Variants in POLM observed in about 807,000 individuals in gnomAD.
POLM encodes the protein DNA-directed DNA/RNA polymerase mu.
In POLM, 52 loss-of-function variants were observed where a neutral mutation model predicts 56.7. That is an observed-to-expected ratio of 0.92 (90% CI 0.73 to 1.15). The LOEUF (loss-of-function observed/expected upper bound fraction) is 1.15. POLM is among the 50% of genes most tolerant of loss of function. The pLI is 0.00. For missense variants in POLM, 660 were observed against 663.6 expected (o/e 0.99, Z 0.06); for synonymous variants, 273 against 274.3 (o/e 1.00, Z 0.05).
At chr7:44,075,477 G>C (rs1215182130) in intron 6 of POLM, among the ~76,000 whole-genome samples, 2 of 151,024 alleles carry the variant, frequency 1.3e-5, no homozygotes, top group Non-Finnish European at 3.0e-5. Context: ...AGCTCTGCGG[G>C]TCTCACCTCC....
Position 44,072,834 on chromosome 7 carries a change from G to A in POLM, c.*457C>T. The A allele has an allele frequency of 2.6e-6, 1 of 385,014 alleles. No individual in the cohort carries two copies. The highest frequency in any genetic ancestry group is 2.0e-5 in the African/African-American group (1 of 49,010). 23.8% of individuals were successfully genotyped at this position (385,014 alleles called of 1,614,324 possible). On this transcript the variant is annotated 3_prime_UTR_variant, in exon 11 of 11. Coordinates refer to ENST00000242248, the MANE Select transcript of POLM (RefSeq NM_013284.4). ...GCACGAACCACAGCCTCCAGCTCAT[G>A]GCTCTCAAATGCAGTGCAGGTATGC...
chr7:44,079,868 C>T lies in POLM; in HGVS notation c.464G>A (p.Gly155Asp), dbSNP rs1336426861. The T allele has an allele frequency of 7.4e-6, 12 of 1,613,942 alleles. No homozygotes were observed. Among genetic ancestry groups the T allele is most frequent in the Admixed American group, 6.7e-5 (4 of 60,010 alleles). The part of the protein sequence containing the change: ...RPTPLTHHNT[G>D]LSEALEILAE... ...CTCATAGAAGCGGCTTACGGAGAGG[C>T]CAGTGTTGTGGTGTGTGAGGGGCGT... is the stretch of plus-strand genomic sequence containing the variant. The change falls in exon 3 of 11, where the codon GGC becomes GAC. Residue 155 changes from glycine to aspartate, a missense_variant. Physicochemically the swap from Gly to Asp is moderately conservative, Grantham distance 94. Coordinates refer to ENST00000242248, the MANE Select transcript of POLM (RefSeq NM_013284.4).
chr7:44,073,426 C>G, intron 10 of POLM, 49 bp from the exon 11 acceptor site: 1 of 1,599,456 alleles, frequency 6.3e-7, no homozygotes, highest in African/African-American at 1.3e-5. Flanking sequence ...GCCACTGCTG[C>G]TTCCCTGCAG....
chr7:44,079,222 C>A (rs1246299592), intron 4 of POLM, among the ~76,000 whole-genome samples: 1 of 152,202 alleles, frequency 6.6e-6, no homozygotes, highest in Admixed American at 6.5e-5. Context: ...CACTAAAGGA[C>A]AACTAAACAC....
At chr7:44,076,394 AGCT>A (rs1440086906) in intron 6 of POLM, 112 bp downstream of exon 6, 1 of 1,368,918 alleles carries the variant, frequency 7.3e-7, no homozygotes, top group Admixed American at 2.1e-5. Flanking sequence ...CACCACACAA[AGCT>A]GCCACCAAAC....
At chr7:44,079,539 C>A in intron 4 of POLM, 32 bp downstream of exon 4, 3 of 1,492,912 alleles carry the variant, frequency 2.0e-6, no homozygotes, top group Non-Finnish European at 2.8e-6. Context: ...CCCCACCCAC[C>A]CACTCACCCT....
Position 44,072,990 on chromosome 7 carries a change from G to A in POLM, c.*301C>T, listed in dbSNP as rs911959552. ...ACTGCAGGCCCCACCACAGCTCCAC[G>A]ATGTGGGCCCCACTCACATCCCATC... On this transcript the variant is annotated 3_prime_UTR_variant, in exon 11 of 11. Transcript: ENST00000242248. 7 of 916,990 alleles carry A rather than the reference G, an allele frequency of 7.6e-6. No individual in the cohort carries two copies. Among genetic ancestry groups the A allele is most frequent in the Non-Finnish European group, 9.4e-6 (6 of 638,394 alleles). The allele number at this position is 916,990 out of a possible 1,614,324, so 56.8% of individuals were successfully genotyped here. A position where few individuals can be genotyped will look rare whatever the true frequency, so the allele number is the denominator to read the frequency against.
At position 44,073,322 on chromosome 7, in the gene POLM, T is replaced by G. The variant is rs778171649; in HGVS notation, c.1454A>C (p.Glu485Ala). Residue 485 changes from glutamate (E) to alanine (A), a missense_variant, in exon 11 of 11, where the codon GAG becomes GCG. Glu to Ala is a moderately radical substitution (Grantham distance 107). Transcript: ENST00000242248. ...GTTTCTCTGCTCTGGAGGAAGGTAC[T>G]CAAGGCCCAGGTGTCTGAAGATGTC... ...EEDIFRHLGLEYLPPEQRNA is the reference protein window; with the variant it reads ...EEDIFRHLGLAYLPPEQRNA 6.2e-7 allele frequency: 1 copy of G among 1,614,198 alleles called. No homozygotes were observed. The highest frequency in any genetic ancestry group is 1.1e-5 in the South Asian group (1 of 91,086).
At position 44,073,948 on chromosome 7, in the gene POLM, G is replaced by C. The variant is rs750162242; in HGVS notation, c.1149C>G (p.Asp383Glu). The change falls in exon 9 of 11, where the codon GAC becomes GAG. Residue 383 changes from aspartate (D) to glutamate (E), a missense_variant. Transcript: ENST00000242248. ...PTRLAQQSHMDAFERSFCIFR... is the reference protein window; with the variant it reads ...PTRLAQQSHMEAFERSFCIFR... ...AAATGCAGAAACTTCTCTCAAAAGC[G>C]TCCATGTGGCTCTGTTGGGCCAGGC... 1 of 1,614,232 alleles carries C rather than the reference G, an allele frequency of 6.2e-7. No individual in the cohort carries two copies. Among genetic ancestry groups the C allele is most frequent in the East Asian group, 2.2e-5 (1 of 44,886 alleles).
rs1286206295 is a variant in POLM at position 44,072,290 on chromosome 7, C to G, written c.*1001G>C. On this transcript the variant is annotated 3_prime_UTR_variant, in exon 11 of 11. Coordinates refer to ENST00000242248, the MANE Select transcript of POLM (RefSeq NM_013284.4). The stretch of plus-strand genomic sequence containing the variant: ...AATATTTTTTAATGTGATGAGTGGT[C>G]TGGGAAATCCTCGCCTAACAAAGTG... 1.3e-5 allele frequency: 2 copies of G among 152,204 alleles called. No individual in the cohort carries two copies. Among genetic ancestry groups the G allele is most frequent in the Non-Finnish European group, 2.9e-5 (2 of 68,050 alleles). The allele number at this position is 152,204 out of a possible 1,614,324, so 9.4% of individuals were successfully genotyped here.
Position 44,073,690 on chromosome 7 carries a change from G to C in POLM, c.1333C>G (p.Arg445Gly). The C allele has an allele frequency of 6.2e-7, 1 of 1,614,150 alleles. No individual in the cohort carries two copies. The highest frequency in any genetic ancestry group is 8.5e-7 in the Non-Finnish European group (1 of 1,180,000). The change falls in exon 10 of 11, where the codon CGC becomes GGC. Residue 445 changes from arginine (R) to glycine (G), a missense_variant. Coordinates refer to ENST00000242248, the MANE Select transcript of POLM (RefSeq NM_013284.4). ...CCCTTCTCCTTCCGGCTGAAGCGGC[G>C]CAGCTCCCGCTGGAAAAGCTGTAGG... is the stretch of plus-strand genomic sequence containing the variant. Reference protein sequence around the residue: ...TGSKLFQRELRRFSRKEKGLW... With the variant: ...TGSKLFQRELGRFSRKEKGLW...
rs28382642 is a variant in POLM, at chr7:44,078,957, C to T, written c.643-146G>A. On this transcript the variant is annotated intron_variant, in intron 4 of 10. Transcript: ENST00000242248. ...GAGACAACTTTGTGAGGTCAGGGTC[C>T]AGTAGGACCTGGAAATGGAGACTGT... The T allele has an allele frequency of 2.6e-3, 1,603 of 624,608 alleles. 41 individuals are homozygous for T. In the East Asian group the frequency reaches 0.042, roughly 16 times the overall value. 38.7% of individuals were successfully genotyped at this position (624,608 alleles called of 1,614,324 possible).
chr7:44,081,113 A>C (rs146787252), intron 1 of POLM, among the ~76,000 whole-genome samples, 197 bp from the exon 2 acceptor site: 99 of 152,296 alleles, frequency 6.5e-4, no homozygotes, highest in Admixed American at 1.9e-3. Context: ...TCAGAACCGT[A>C]GTTCTCTGCC....
In POLM at chr7:44,073,197, G is replaced by A; in HGVS notation, c.*94C>T. ...GCCTTGGCGGGGAGGGGTGAAGGTG[G>A]GGGTCAGGGGGCAGCATATCTGCCT... On this transcript the variant is annotated 3_prime_UTR_variant, in exon 11 of 11. Transcript: ENST00000242248. 3 of 1,601,952 alleles carry A rather than the reference G, an allele frequency of 1.9e-6. No individual in the cohort carries two copies. Among genetic ancestry groups the A allele is most frequent in the South Asian group, 2.2e-5 (2 of 89,826 alleles).
In POLM at chr7:44,079,576, C is replaced by G; in HGVS notation, c.637G>C (p.Val213Leu). 6.2e-7 allele frequency: 1 copy of G among 1,611,876 alleles called. No homozygotes were observed. The change falls in exon 4 of 11, where the codon GTC becomes CTC. Residue 213 changes from valine (V) to leucine (L), a missense_variant. Coordinates refer to ENST00000242248, the MANE Select transcript of POLM (RefSeq NM_013284.4). The part of the protein sequence containing the change: ...PHFGEHSSRV[V>L]QELLEHGVCE... ...CTAGGATGGTAAGCACCTACCTGGA[C>G]AACCCTAGAGGAGTGTTCTCCAAAG...
intron 1 of POLM, among the ~76,000 whole-genome samples, chr7:44,081,744 C>CTTTTTTTTTTTT: frequency 8.0e-6 from 1 of 125,408 alleles, no homozygotes; most frequent in African/African-American, 3.1e-5. Context: ...GCAAATACGA[C>CTTTTTTTTTTTT]TTTTTTTTTT....
At chr7:44,074,930 A>G (rs894174245) in intron 6 of POLM, among the ~76,000 whole-genome samples, 12 of 152,336 alleles carry the variant, frequency 7.9e-5, no homozygotes, top group African/African-American at 2.4e-4. Flanking sequence ...GTTTTTCCTT[A>G]TGCATAAAGT....
intron 1 of POLM, 48 bp from the exon 2 acceptor site, chr7:44,080,964 C>T (rs778985432): frequency 7.4e-6 from 11 of 1,489,086 alleles, no homozygotes; most frequent in Admixed American, 2.2e-5. Flanking sequence ...GCCCAGAGCC[C>T]GTCCTGGTTG....
In POLM at chr7:44,074,233, CCT is replaced by C. The variant is rs751710866; in HGVS notation, c.969-2_969-1del. 108 of 1,573,518 alleles carry C rather than the reference CCT, an allele frequency of 6.9e-5. No individual in the cohort carries two copies. The highest frequency in any genetic ancestry group is 4.7e-4 in the Admixed American group (25 of 53,324). ...CCACGTCATGGCCCTGCAACTTCCCCCTGAGGGCGTCAGTCTGACTCTGACTC... is the reference window on the plus strand; with the variant it reads ...CCACGTCATGGCCCTGCAACTTCCCCGAGGGCGTCAGTCTGACTCTGACTC... On this transcript the variant is annotated splice_acceptor_variant, in intron 7 of 10. Transcript: ENST00000242248. LOFTEE classifies it high-confidence loss of function.
Sources: allele counts gnomAD v4.1 joint callset (sites outside exome capture counted in the v4.1 genomes callset), GRCh38; gene constraint gnomAD v4.1.1; transcripts MANE v1.5; gene names NCBI Gene and HGNC (gene_info 2026-07-23, HGNC 2026-07-21).